The following KLHL14 variants were observed in gnomAD, a reference collection of about 807,000 sequenced individuals.
The protein encoded by KLHL14 is kelch like family member 14.
Under a neutral mutation model 64.3 loss-of-function variants are expected in KLHL14, and 22 were observed. That is an observed-to-expected ratio of 0.34 (90% CI 0.24 to 0.49). KLHL14 has a LOEUF of 0.49. KLHL14 is among the 20% of genes least tolerant of loss of function. The pLI, the probability that KLHL14 is intolerant of heterozygous loss-of-function variation, is 0.99. For missense variants in KLHL14, 661 were observed against 789.0 expected, an observed-to-expected ratio of 0.84 and a Z score of 1.94; for synonymous variants, 322 against 333.4, an observed-to-expected ratio of 0.97 and a Z score of 0.37.
At chr18:32,706,389 G>A (rs2049990444) in intron 3 of KLHL14, among the ~76,000 whole-genome samples, 1 of 152,182 alleles carries the variant, frequency 6.6e-6, no homozygotes, top group Non-Finnish European at 1.5e-5. Context: ...AAGAACCGAA[G>A]CAGTGCAGGT....
intron 1 of KLHL14, chr18:32,772,151 C>G (rs71366355): frequency 0.33 from 90,795 of 271,722 alleles, 18,260 homozygotes; most frequent in Non-Finnish European, 0.44. Flanking sequence ...CGCCGCCGCC[C>G]GGCTCGGAGG....
intron 3 of KLHL14, among the ~76,000 whole-genome samples, chr18:32,708,179 G>A (rs1365541810): frequency 6.6e-6 from 1 of 152,176 alleles, no homozygotes; most frequent in Non-Finnish European, 1.5e-5. Context: ...CTGGGCTCCT[G>A]AGGAACACTT....
intron 2 of KLHL14, among the ~76,000 whole-genome samples, chr18:32,758,236 C>T (rs570735530): frequency 2.0e-5 from 3 of 152,070 alleles, no homozygotes; most frequent in South Asian, 4.2e-4. Flanking sequence ...AGTTTTCCTG[C>T]CTCAGCCTCT....
intron 4 of KLHL14, among the ~76,000 whole-genome samples, chr18:32,691,513 G>C (rs2049907562): frequency 6.6e-6 from 1 of 152,106 alleles, no homozygotes; most frequent in Non-Finnish European, 1.5e-5. Context: ...CTTCCAGCCT[G>C]GATAACAGAG....
intron 3 of KLHL14, among the ~76,000 whole-genome samples, chr18:32,698,987 T>TA (rs1308643084): frequency 6.6e-5 from 10 of 152,214 alleles, no homozygotes; most frequent in Admixed American, 5.2e-4. Flanking sequence ...GCAGAATGAC[T>TA]AATCATCACA....
chr18:32,710,922 T>C (rs12969787), intron 3 of KLHL14, among the ~76,000 whole-genome samples: 43,612 of 151,746 alleles, frequency 0.29, 6,482 homozygotes, highest in African/African-American at 0.34. Flanking sequence ...GGATGTAAAG[T>C]GGAAGAAAAC....
intron 2 of KLHL14, among the ~76,000 whole-genome samples, chr18:32,756,382 C>A (rs2050281744): frequency 6.9e-6 from 1 of 145,294 alleles, no homozygotes; most frequent in African/African-American, 2.5e-5. Flanking sequence ...CACTTGGAGA[C>A]TTTAGGGTTT....
chr18:32,765,421 C>T (rs533822323), intron 2 of KLHL14, among the ~76,000 whole-genome samples: 1 of 152,022 alleles, frequency 6.6e-6, no homozygotes. Context: ...TTTTTAATTG[C>T]CTTCTGATTG....
intron 4 of KLHL14, among the ~76,000 whole-genome samples, chr18:32,689,672 C>T (rs2049897409): frequency 6.6e-6 from 1 of 152,116 alleles, no homozygotes; most frequent in South Asian, 2.1e-4. Flanking sequence ...AGTTCGGACA[C>T]ACTGGAAAGT....
chr18:32,760,355 C>T (rs201513273), intron 2 of KLHL14, among the ~76,000 whole-genome samples: 1 of 151,666 alleles, frequency 6.6e-6, no homozygotes, highest in Non-Finnish European at 1.5e-5. Flanking sequence ...CACACACACA[C>T]ACACACATAT....
chr18:32,724,140 A>G (rs1478950941), intron 3 of KLHL14, among the ~76,000 whole-genome samples: 1 of 152,234 alleles, frequency 6.6e-6, no homozygotes, highest in Non-Finnish European at 1.5e-5. Context: ...ACACTGAACT[A>G]AAGTAGGTCA....
intron 3 of KLHL14, among the ~76,000 whole-genome samples, chr18:32,700,923 G>A (rs2049963324): frequency 6.6e-6 from 1 of 152,144 alleles, no homozygotes; most frequent in Non-Finnish European, 1.5e-5. Context: ...GCAGGTGCAA[G>A]AATAGCAAGT....
chr18:32,742,415 A>G (rs1032895675), intron 2 of KLHL14, among the ~76,000 whole-genome samples: 3 of 152,192 alleles, frequency 2.0e-5, no homozygotes, highest in Non-Finnish European at 4.4e-5. Flanking sequence ...CAAAAATCGT[A>G]TTAGTCAAAA....
intron 3 of KLHL14, among the ~76,000 whole-genome samples, chr18:32,731,678 TA>T (rs947752130): frequency 2.8e-4 from 42 of 152,094 alleles, no homozygotes; most frequent in Non-Finnish European, 3.8e-4. Flanking sequence ...GAGGTCTCTC[TA>T]AATGTTGAAA....
intron 3 of KLHL14, among the ~76,000 whole-genome samples, chr18:32,740,519 C>T (rs1476473652): frequency 2.0e-5 from 3 of 152,092 alleles, no homozygotes; most frequent in East Asian, 3.9e-4. Flanking sequence ...TTTCTCTCTC[C>T]TCCTCCTAGT....
At chr18:32,738,400 G>T (rs952897434) in intron 3 of KLHL14, 3 of 152,124 alleles carry the variant, frequency 2.0e-5, no homozygotes, top group Non-Finnish European at 4.4e-5. Context: ...GCGTGCAGGA[G>T]TGAGAGATGC....
At chr18:32,769,537 C>T in intron 2 of KLHL14, 108 bp downstream of exon 2, 1 of 1,020,596 alleles carries the variant, frequency 9.8e-7, no homozygotes, top group South Asian at 1.9e-5. Flanking sequence ...CTGCCAGAGC[C>T]ACCCGCCCAG....
intron 4 of KLHL14, among the ~76,000 whole-genome samples, chr18:32,690,842 G>A (rs954559130): frequency 6.6e-6 from 1 of 152,156 alleles, no homozygotes; most frequent in Non-Finnish European, 1.5e-5. Context: ...GAGATCATGA[G>A]TTATAGGAAT....
rs574324799 is a variant in KLHL14 at position 32,720,540 on chromosome 18, T to C, written c.1069+21388A>G. 3.3e-5 allele frequency among the ~76,000 whole-genome samples: 5 copies of C among 152,264 alleles called. No homozygotes were observed. In the South Asian group the frequency reaches 1.0e-3, roughly 32 times the overall value. On this transcript the variant is annotated intron_variant, in intron 3 of 8. Coordinates refer to ENST00000359358, the MANE Select transcript of KLHL14 (RefSeq NM_020805.3). ...GCAGTCAGAAATACAGTAGTCTGCC[T>C]CAAGAAAGAAGTCTGGGAAGGAAAC...
Sources: gnomAD v4.1 joint callset for allele counts (sites outside exome capture counted in the v4.1 genomes callset) on GRCh38, gnomAD v4.1.1 for gene constraint, MANE v1.5 for transcripts, NCBI Gene and HGNC (gene_info 2026-07-23, HGNC 2026-07-21) for gene names.